ENPP6: variants seen among roughly 807,000 people sequenced by gnomAD.
The protein encoded by ENPP6 is glycerophosphocholine cholinephosphodiesterase ENPP6.
A neutral mutation model predicts 42.0 loss-of-function variants in ENPP6; 32 were observed. The observed-to-expected ratio is 0.76, with a 90% CI of 0.58 to 1.02. The LOEUF (loss-of-function observed/expected upper bound fraction) is 1.02, where lower values mean the gene tolerates loss of function less well. Among genes scored for constraint, ENPP6 ranks in the 50% least tolerant of loss-of-function variants. The pLI, the probability that ENPP6 is intolerant of heterozygous loss-of-function variation, is 0.00. For missense variants in ENPP6, 552 were observed against 566.8 expected (o/e 0.97, Z 0.27); for synonymous variants, 213 against 216.0 (o/e 0.99, Z 0.12).
rs181469971 is a variant in ENPP6 at position 184,128,373 on chromosome 4, G to C, written c.422-4101C>G. 3.0e-4 allele frequency among the ~76,000 whole-genome samples: 46 copies of C among 152,026 alleles called. 1 individual carries two copies. Among genetic ancestry groups the C allele is most frequent in the Admixed American group, 3.0e-3 (45 of 15,244 alleles). ...TTTTTGTATTTTTAGTAGACACGAGGTTTCACCATGATGGCCAGGCTGGTC... is the reference window on the plus strand; with the variant it reads ...TTTTTGTATTTTTAGTAGACACGAGCTTTCACCATGATGGCCAGGCTGGTC... On this transcript the variant is annotated intron_variant, in intron 2 of 7. Coordinates refer to ENST00000296741, the MANE Select transcript of ENPP6 (RefSeq NM_153343.4).
chr4:184,188,004 T>C lies in ENPP6; in HGVS notation c.241+29575A>G, dbSNP rs1055015760. On this transcript the variant is annotated intron_variant, in intron 1 of 7. Coordinates refer to ENST00000296741, the MANE Select transcript of ENPP6 (RefSeq NM_153343.4). ...AAGACCAAGTCCTGCTCTTGGAGCA[T>C]ACATTCTTTAATTAAAATAAGGTTT... is the stretch of plus-strand genomic sequence containing the variant. Among the ~76,000 whole-genome samples, 136 of 152,216 alleles carry C rather than the reference T, an allele frequency of 8.9e-4. 1 individual carries two copies. The highest frequency in any genetic ancestry group is 3.1e-3 in the African/African-American group (130 of 41,456).
chr4:184,165,978 T>C (rs114894010), intron 1 of ENPP6, among the ~76,000 whole-genome samples: 1,618 of 152,312 alleles, frequency 0.011, 24 homozygotes, highest in South Asian at 0.08. Flanking sequence ...TTAGTGAACT[T>C]TCATATAACT....
At chr4:184,168,888 C>T (rs1021273084) in intron 1 of ENPP6, among the ~76,000 whole-genome samples, 1 of 152,194 alleles carries the variant, frequency 6.6e-6, no homozygotes, top group Non-Finnish European at 1.5e-5. Flanking sequence ...GGCTGGGAGT[C>T]TCGTGCTGTG....
intron 1 of ENPP6, among the ~76,000 whole-genome samples, chr4:184,185,433 C>A (rs575159790): frequency 6.6e-6 from 1 of 152,144 alleles, no homozygotes; most frequent in Non-Finnish European, 1.5e-5. Context: ...TGTGGGGACA[C>A]CCCAGCCAGC....
chr4:184,117,129 A>G (rs1003600057), intron 4 of ENPP6, 94 bp from the exon 5 acceptor site: 9 of 1,415,098 alleles, frequency 6.4e-6, no homozygotes, highest in Non-Finnish European at 7.8e-6. Flanking sequence ...GAGAAAGGCT[A>G]TCTCCTCAGT....
In ENPP6 at chr4:184,124,249, C is replaced by A; in HGVS notation, c.445G>T (p.Val149Phe). 2 of 1,613,884 alleles carry A rather than the reference C, an allele frequency of 1.2e-6. No homozygotes were observed. Among genetic ancestry groups the A allele is most frequent in the Non-Finnish European group, 1.7e-6 (2 of 1,179,862 alleles). ...WPGCEVEILG[V>F]RPTYCLEYKN... ...TATTCTAGGCAGTAGGTGGGTCTGA[C>A]ACCCAGAATCTCAACCTCACAGCCT... The change falls in exon 3 of 8, where the codon GTC (valine) becomes TTC (phenylalanine). Residue 149 changes from valine (V) to phenylalanine (F), a missense_variant. Physicochemically the swap from Val to Phe is conservative, Grantham distance 50. Around this residue, in one of 2 missense-constraint regions of ENPP6, gnomAD observed 545 missense variants for 546.3 expected, o/e 1.00. Transcript: ENST00000296741.
intron 2 of ENPP6, among the ~76,000 whole-genome samples, chr4:184,144,686 A>C (rs1293890481): frequency 1.3e-5 from 2 of 152,242 alleles, no homozygotes; most frequent in Non-Finnish European, 2.9e-5. Flanking sequence ...CGCCTGCTCC[A>C]GGTCAGATGG....
intron 2 of ENPP6, among the ~76,000 whole-genome samples, chr4:184,152,595 T>C (rs193177267): frequency 6.6e-6 from 1 of 152,294 alleles, no homozygotes; most frequent in African/African-American, 2.4e-5. Context: ...AAAAAGTGTC[T>C]ATTGCCACGG....
intron 1 of ENPP6, among the ~76,000 whole-genome samples, chr4:184,209,262 A>G (rs1420317501): frequency 6.6e-5 from 10 of 150,618 alleles, no homozygotes; most frequent in Admixed American, 1.3e-4. Flanking sequence ...CTGAGAGAAG[A>G]AGGCTTCAGA....
intron 1 of ENPP6, among the ~76,000 whole-genome samples, chr4:184,198,405 T>A (rs1162917885): frequency 6.6e-6 from 1 of 152,196 alleles, no homozygotes; most frequent in Non-Finnish European, 1.5e-5. Flanking sequence ...ACCTGCGAAA[T>A]GGGAGCCCTT....
chr4:184,113,647 G>A (rs1012574470), intron 5 of ENPP6, among the ~76,000 whole-genome samples: 4 of 152,218 alleles, frequency 2.6e-5, no homozygotes, highest in African/African-American at 7.2e-5. Context: ...GATCAAAAAA[G>A]AGGATTTGTT....
At chr4:184,146,429 CA>C (rs751645083) in intron 2 of ENPP6, among the ~76,000 whole-genome samples, 9,896 of 135,966 alleles carry the variant, frequency 0.073, 401 homozygotes, top group Non-Finnish European at 0.087. Context: ...GACTCCGTTT[CA>C]AAAAAAAAAA....
At chr4:184,152,376 C>T (rs1737070860) in intron 2 of ENPP6, among the ~76,000 whole-genome samples, 1 of 152,150 alleles carries the variant, frequency 6.6e-6, no homozygotes, top group South Asian at 2.1e-4. Context: ...ACTGCCCCCT[C>T]CCTGCAGACT....
intron 2 of ENPP6, among the ~76,000 whole-genome samples, chr4:184,127,071 A>AT (rs990295287): frequency 2.0e-5 from 3 of 152,212 alleles, no homozygotes; most frequent in Admixed American, 2.0e-4. Flanking sequence ...CATAAAATAC[A>AT]TTTTTAAAAA....
chr4:184,095,857 A>G (rs192104058), intron 7 of ENPP6, among the ~76,000 whole-genome samples: 57 of 152,226 alleles, frequency 3.7e-4, no homozygotes, highest in African/African-American at 1.2e-3. Context: ...AATGTATCCA[A>G]TGTAATCCAG....
intron 1 of ENPP6, among the ~76,000 whole-genome samples, chr4:184,186,415 G>A (rs1579655273): frequency 6.6e-6 from 1 of 152,168 alleles, no homozygotes; most frequent in Admixed American, 6.5e-5. Context: ...GGGCGGGGTG[G>A]TGGCAAATGG....
intron 1 of ENPP6, among the ~76,000 whole-genome samples, chr4:184,206,938 A>C (rs1023440318): frequency 6.6e-6 from 1 of 152,060 alleles, no homozygotes; most frequent in Non-Finnish European, 1.5e-5. Flanking sequence ...CCTTCTGGCC[A>C]CTCTAAGATG....
intron 1 of ENPP6, among the ~76,000 whole-genome samples, chr4:184,174,362 C>A (rs2111095237): frequency 6.6e-6 from 1 of 152,018 alleles, no homozygotes; most frequent in South Asian, 2.1e-4. Context: ...ATCAGTGAAC[C>A]AACCAATCAA....
At chr4:184,205,598 C>G (rs906168347) in intron 1 of ENPP6, among the ~76,000 whole-genome samples, 2 of 152,224 alleles carry the variant, frequency 1.3e-5, no homozygotes, top group Non-Finnish European at 2.9e-5. Context: ...AGGGTTTGAA[C>G]AGAGGAGTGG....
Sources: allele counts gnomAD v4.1 joint callset (sites outside exome capture counted in the v4.1 genomes callset), GRCh38; gene constraint gnomAD v4.1.1; regional missense constraint gnomAD v4.1.1; transcripts MANE v1.5; gene names NCBI Gene and HGNC (gene_info 2026-07-23, HGNC 2026-07-21).